The following BOD1L1 variants were observed in gnomAD, a reference collection of about 807,000 sequenced individuals.
BOD1L1 encodes biorientation of chromosomes in cell division 1 like 1.
Under a neutral mutation model 240.7 loss-of-function variants are expected in BOD1L1, and 86 were observed. The observed-to-expected ratio is 0.36, with a 90% CI of 0.30 to 0.43. BOD1L1 has a LOEUF of 0.43. Among genes scored for constraint, BOD1L1 ranks in the 20% least tolerant of loss-of-function variants. The pLI is 1.00. For synonymous variants in BOD1L1, 1,268 were observed against 1,272.3 expected, an observed-to-expected ratio of 1.00 and a Z score of 0.07; for missense variants, 3,554 against 3,643.5, an observed-to-expected ratio of 0.98 and a Z score of 0.63.
At position 13,600,714 on chromosome 4, in the gene BOD1L1, T is replaced by A. The variant is rs371501928; in HGVS notation, c.6186A>T (p.Ala2062=). Reference sequence around the variant, plus strand: ...AAACTTTGCCTTGATTTTTACCCCCTGCTAAGCTATTCTGGTTGGTAATAT... The same window carrying A: ...AAACTTTGCCTTGATTTTTACCCCCAGCTAAGCTATTCTGGTTGGTAATAT... ...SGDITNQNSL[A]GGKNQGKVLI... The change falls in exon 10 of 26, where the codon GCA becomes GCT. Residue 2062 remains alanine (A), a synonymous_variant. Transcript: ENST00000040738. 6 of 1,614,050 alleles carry A rather than the reference T, an allele frequency of 3.7e-6. No homozygotes were observed. In the Admixed American group the frequency reaches 5.0e-5, roughly 13 times the overall value.
intron 16 of BOD1L1, among the ~76,000 whole-genome samples, 154 bp downstream of exon 16, chr4:13,587,545 A>G (rs900737692): frequency 1.3e-5 from 2 of 152,214 alleles, no homozygotes; most frequent in South Asian, 2.1e-4. Context: ...AGGACTCCGG[A>G]GGTATCAAGC....
chr4:13,601,054 C>A lies in BOD1L1; in HGVS notation c.5846G>T (p.Ser1949Ile). ...ACTGCTTTCTACAATCCCTTTTGCA[C>A]TGGAGCAGATATCTGTGTCTTTACT... ...KGSKDTDICS[S>I]AKGIVESSVT... The change falls in exon 10 of 26, where the codon AGT becomes ATT. Residue 1949 changes from serine (S) to isoleucine (I), a missense_variant. Ser to Ile is a moderately radical substitution (Grantham distance 142). Coordinates refer to ENST00000040738, the MANE Select transcript of BOD1L1 (RefSeq NM_148894.3). 1 of 1,613,996 alleles carries A rather than the reference C, an allele frequency of 6.2e-7. No homozygotes were observed. Among genetic ancestry groups the A allele is most frequent in the Non-Finnish European group, 8.5e-7 (1 of 1,179,894 alleles).
In BOD1L1 at chr4:13,599,062, C is replaced by A. The variant is rs1415824879; in HGVS notation, c.7838G>T (p.Trp2613Leu). 1.4e-5 allele frequency: 23 copies of A among 1,613,874 alleles called. No individual in the cohort carries two copies. Among genetic ancestry groups the A allele is most frequent in the African/African-American group, 2.7e-5 (2 of 74,910 alleles). Residue 2613 changes from tryptophan (W) to leucine (L), a missense_variant, in exon 10 of 26, where the codon TGG becomes TTG. Transcript: ENST00000040738. ...LTIKNDYSGK[W>L]TDQASAEKTG... is the part of the protein sequence containing the mutation. The stretch of plus-strand genomic sequence containing the variant: ...TTTCTCAGCAGATGCTTGATCAGTC[C>A]ATTTGCCACTATAATCATTCTTTAT...
At chr4:13,572,866 G>A in intron 25 of BOD1L1, 1 of 1,288,902 alleles carries the variant, frequency 7.8e-7, no homozygotes, top group Non-Finnish European at 1.0e-6. Flanking sequence ...TAGAAACACT[G>A]GGCAATGGTA....
At position 13,599,550 on chromosome 4, in the gene BOD1L1, T is replaced by C. The variant is rs1425230959; in HGVS notation, c.7350A>G (p.Lys2450=). ...EIGPFAGRGQ[K]ESTLHLINAE... ...CATTTATGAGGTGTAAAGTGCTCTC[T>C]TTCTGTCCTCTTCCTGCAAATGGTC... Residue 2450 remains lysine, a synonymous_variant, in exon 10 of 26, where the codon AAA becomes AAG. Transcript: ENST00000040738. 4.3e-6 allele frequency: 7 copies of C among 1,613,936 alleles called. No individual in the cohort carries two copies. The highest frequency in any genetic ancestry group is 1.7e-5 in the Admixed American group (1 of 60,006).
intron 25 of BOD1L1, among the ~76,000 whole-genome samples, chr4:13,571,281 C>T (rs921516769): frequency 1.3e-5 from 2 of 152,158 alleles, no homozygotes; most frequent in African/African-American, 2.4e-5. Context: ...GTCAATGAAT[C>T]AAAGAGTTGG....
At chr4:13,576,703 C>T (rs1286352494) in intron 25 of BOD1L1, 135 bp downstream of exon 25, 1 of 1,201,490 alleles carries the variant, frequency 8.3e-7, no homozygotes, top group Admixed American at 2.7e-5. Context: ...CCACTGCTAA[C>T]AATAAAAATG....
chr4:13,618,041 C>T (rs1254999732), intron 2 of BOD1L1, among the ~76,000 whole-genome samples: 1 of 152,170 alleles, frequency 6.6e-6, no homozygotes. Context: ...CCACAAGAAC[C>T]CCTGACCTCG....
intron 22 of BOD1L1, chr4:13,578,347 T>C (rs1015286227): frequency 7.9e-5 from 12 of 152,236 alleles, no homozygotes; most frequent in African/African-American, 2.7e-4. Flanking sequence ...CCTAATCTGA[T>C]GATCCAAAAT....
intron 1 of BOD1L1, among the ~76,000 whole-genome samples, chr4:13,621,953 C>G (rs1323867123): frequency 6.8e-6 from 1 of 147,588 alleles, no homozygotes; most frequent in South Asian, 2.2e-4. Context: ...GAACCTCCAC[C>G]TGCCGGGTTC....
At chr4:13,592,005 A>G in intron 12 of BOD1L1, 39 bp from the exon 13 acceptor site, 1 of 1,453,516 alleles carries the variant, frequency 6.9e-7, no homozygotes, top group Non-Finnish European at 9.3e-7. Context: ...GAAACTGAAT[A>G]TTGTTTCTGA....
chr4:13,579,049 G>C (rs527840591), intron 22 of BOD1L1, among the ~76,000 whole-genome samples: 50 of 152,200 alleles, frequency 3.3e-4, no homozygotes, highest in African/African-American at 1.1e-3. Context: ...AAACTCAAAG[G>C]TACTTCTTTT....
At chr4:13,620,527 TG>T in intron 1 of BOD1L1, among the ~76,000 whole-genome samples, 1 of 152,228 alleles carries the variant, frequency 6.6e-6, no homozygotes, top group Non-Finnish European at 1.5e-5. Flanking sequence ...TCCAAATTGG[TG>T]GTCCAATTTG....
chr4:13,583,418 T>C (rs750644868), intron 17 of BOD1L1, among the ~76,000 whole-genome samples: 7 of 152,216 alleles, frequency 4.6e-5, no homozygotes, highest in Non-Finnish European at 7.3e-5. Flanking sequence ...TTAATAGAAA[T>C]ATATTCTTGT....
intron 22 of BOD1L1, among the ~76,000 whole-genome samples, chr4:13,579,495 A>G (rs764822060): frequency 6.6e-6 from 1 of 152,226 alleles, no homozygotes; most frequent in Admixed American, 6.5e-5. Flanking sequence ...AATAGCTGTC[A>G]CATTAATCTT....
Position 13,588,756 on chromosome 4 carries a change from A to C in BOD1L1, c.8246T>G (p.Ile2749Arg), listed in dbSNP as rs140964488. Residue 2749 changes from isoleucine (I) to arginine (R), a missense_variant, in exon 15 of 26, where the codon ATA becomes AGA. This residue lies in a region of BOD1L1 where 3,393 missense variants were observed against 3,427.1 expected (regional missense o/e 0.99). Coordinates refer to ENST00000040738, the MANE Select transcript of BOD1L1 (RefSeq NM_148894.3). The stretch of plus-strand genomic sequence containing the variant: ...ATCTGCTTCAACACTGTGACCGCTT[A>C]TGGCTTCTGCGTTGTCTTTTCTACC... ...SSGRKDNAEAISGHSVEADPK... is the reference protein window; with the variant it reads ...SSGRKDNAEARSGHSVEADPK... The C allele has an allele frequency of 6.2e-7, 1 of 1,605,412 alleles. No homozygotes were observed. Among genetic ancestry groups the C allele is most frequent in the Admixed American group, 1.7e-5 (1 of 59,426 alleles).
chr4:13,580,125 A>G (rs1713108409), intron 21 of BOD1L1, 152 bp from the exon 22 acceptor site: 3 of 586,602 alleles, frequency 5.1e-6, no homozygotes, highest in Non-Finnish European at 8.9e-6. Context: ...AAGTATACCT[A>G]GCAAACATGG....
chr4:13,587,289 T>C (rs1345400396), intron 16 of BOD1L1, among the ~76,000 whole-genome samples: 1 of 152,234 alleles, frequency 6.6e-6, no homozygotes. Context: ...GTAGTTCTAC[T>C]AGAGGGCACC....
At chr4:13,596,547 T>C (rs1487011873) in intron 11 of BOD1L1, among the ~76,000 whole-genome samples, 2 of 149,466 alleles carry the variant, frequency 1.3e-5, no homozygotes, top group Non-Finnish European at 3.0e-5. Flanking sequence ...AGAAAGAGGA[T>C]ATGGAGACTA....
Sources: gnomAD v4.1 joint callset for allele counts (sites outside exome capture counted in the v4.1 genomes callset) on GRCh38, gnomAD v4.1.1 for gene constraint, gnomAD v4.1.1 regional missense constraint, MANE v1.5 for transcripts, NCBI Gene and HGNC (gene_info 2026-07-23, HGNC 2026-07-21) for gene names.